Variants in AXDND1 observed in about 807,000 individuals in gnomAD.
AXDND1 encodes axonemal dynein light chain domain containing 1, also known as axonemal dynein light chain domain-containing protein 1.
Under a neutral mutation model 137.5 loss-of-function variants are expected in AXDND1, and 110 were observed. That is an observed-to-expected ratio of 0.80 (90% CI 0.69 to 0.94). The LOEUF is 0.94. Among genes scored for constraint, AXDND1 ranks in the 40% least tolerant of loss-of-function variants. The pLI, the probability that AXDND1 is intolerant of heterozygous loss-of-function variation, is 0.00. For synonymous variants in AXDND1, 414 were observed against 399.7 expected (o/e 1.04, Z -0.43); for missense variants, 1,191 against 1,169.8 (o/e 1.02, Z -0.26).
intron 1 of AXDND1, 66 bp from the exon 2 acceptor site, chr1:179,366,338 G>T: frequency 1.9e-6 from 1 of 539,310 alleles, no homozygotes; most frequent in Non-Finnish European, 3.3e-6. Context: ...ACTGCGATCT[G>T]AACCTAAGTA....
intron 4 of AXDND1, among the ~76,000 whole-genome samples, chr1:179,372,247 G>C (rs1203941837): frequency 1.3e-5 from 2 of 152,142 alleles, no homozygotes; most frequent in Non-Finnish European, 2.9e-5. Context: ...TTTCAGCAGA[G>C]TTCAGTGCAG....
intron 4 of AXDND1, 49 bp downstream of exon 4, chr1:179,370,127 C>G (rs16854009): frequency 0.11 from 155,845 of 1,446,820 alleles, 11,029 homozygotes; most frequent in East Asian, 0.36. Flanking sequence ...GAGTTGTTTT[C>G]TCATTTTGAA....
intron 21 of AXDND1, among the ~76,000 whole-genome samples, chr1:179,516,691 C>T (rs1193525842): frequency 1.3e-5 from 2 of 152,148 alleles, no homozygotes; most frequent in African/African-American, 2.4e-5. Flanking sequence ...GATGTGGCTT[C>T]CTATGAGCTG....
intron 17 of AXDND1, among the ~76,000 whole-genome samples, chr1:179,469,495 A>G (rs1384843381): frequency 2.0e-5 from 3 of 152,204 alleles, no homozygotes; most frequent in Admixed American, 1.3e-4. Context: ...TTTTGTGGAC[A>G]AACATTTGTT....
chr1:179,381,333 C>G (rs1478328376), intron 6 of AXDND1, among the ~76,000 whole-genome samples: 2 of 145,786 alleles, frequency 1.4e-5, no homozygotes, highest in African/African-American at 2.5e-5. Context: ...TGAGCCACAG[C>G]ACATGGCTGA....
At chr1:179,402,190 G>T (rs1652200618) in intron 11 of AXDND1, among the ~76,000 whole-genome samples, 1 of 150,134 alleles carries the variant, frequency 6.7e-6, no homozygotes. Flanking sequence ...AAATCACCCT[G>T]TCTTGGGTAT....
intron 12 of AXDND1, among the ~76,000 whole-genome samples, chr1:179,428,506 C>T (rs776653092): frequency 2.6e-5 from 4 of 152,264 alleles, no homozygotes; most frequent in Admixed American, 6.5e-5. Context: ...ATTAGTGGTT[C>T]TCAAAGTATG....
intron 25 of AXDND1, chr1:179,544,363 T>C (rs1265329210): frequency 2.0e-5 from 3 of 152,136 alleles, no homozygotes; most frequent in African/African-American, 4.8e-5. Flanking sequence ...AAAAAAACAT[T>C]AGTTTTTCAA....
intron 16 of AXDND1, among the ~76,000 whole-genome samples, chr1:179,445,713 A>T (rs1054939980): frequency 5.3e-5 from 8 of 152,198 alleles, no homozygotes; most frequent in African/African-American, 1.9e-4. Context: ...GCCTAATAAT[A>T]GTGTATGTAT....
At position 179,370,038 on chromosome 1, in the gene AXDND1, T is replaced by C; in HGVS notation, c.334T>C (p.Tyr112His). Residue 112 changes from tyrosine to histidine, a missense_variant, in exon 4 of 26, where the codon TAC becomes CAC. Transcript: ENST00000367618. ...CCCTGTTCGAAGGAATAAATTCAAA[T>C]ACCTGATTGACCATCCCGTCTCCCT... ...HHPVRRNKFK[Y>H]LIDHPVSLTG... The C allele has an allele frequency of 6.2e-7, 1 of 1,613,988 alleles. No homozygotes were observed. The highest frequency in any genetic ancestry group is 8.5e-7 in the Non-Finnish European group (1 of 1,179,922).
chr1:179,427,346 G>A (rs573399515), intron 12 of AXDND1, among the ~76,000 whole-genome samples: 6 of 149,112 alleles, frequency 4.0e-5, no homozygotes, highest in African/African-American at 1.2e-4. Context: ...CTTCTATATT[G>A]TTTGACTTTG....
intron 18 of AXDND1, among the ~76,000 whole-genome samples, chr1:179,486,491 T>C (rs1572041311): frequency 6.7e-6 from 1 of 149,474 alleles, no homozygotes; most frequent in East Asian, 1.9e-4. Flanking sequence ...CCCTGAAAAA[T>C]ACTACAAAAT....
chr1:179,531,507 A>G (rs1671035807), intron 23 of AXDND1, among the ~76,000 whole-genome samples: 1 of 152,162 alleles, frequency 6.6e-6, no homozygotes, highest in South Asian at 2.1e-4. Flanking sequence ...AGTCAGCCCC[A>G]TCAGATTTAT....
At chr1:179,466,282 C>CTTTTTTTTTTTTTTTTT (rs1491121382) in intron 16 of AXDND1, among the ~76,000 whole-genome samples, 2 of 95,652 alleles carry the variant, frequency 2.1e-5, no homozygotes, top group African/African-American at 4.4e-5. Context: ...TCTTCTTCTT[C>CTTTTTTTTTTTTTTTTT]TTCTTTTTTT....
intron 21 of AXDND1, among the ~76,000 whole-genome samples, chr1:179,513,488 G>A (rs899059615): frequency 6.6e-6 from 1 of 152,108 alleles, no homozygotes; most frequent in East Asian, 1.9e-4. Context: ...AAAGATTTTA[G>A]TGTCTGTGTT....
chr1:179,405,040 A>G (rs1172275054), intron 11 of AXDND1, among the ~76,000 whole-genome samples: 1 of 152,058 alleles, frequency 6.6e-6, no homozygotes, highest in African/African-American at 2.4e-5. Context: ...TCCCACATGC[A>G]TTAGGTATTT....
intron 23 of AXDND1, among the ~76,000 whole-genome samples, chr1:179,529,862 T>TG (rs1212377875): frequency 1.3e-5 from 2 of 152,060 alleles, no homozygotes; most frequent in Admixed American, 1.3e-4. Flanking sequence ...TAAATATATT[T>TG]GGGGGGTAAT....
In AXDND1 at chr1:179,393,916, C is replaced by G; in HGVS notation, c.877C>G (p.Gln293Glu). The G allele has an allele frequency of 6.2e-7, 1 of 1,606,306 alleles. No homozygotes were observed. Among genetic ancestry groups the G allele is most frequent in the East Asian group, 2.3e-5 (1 of 44,434 alleles). Residue 293 changes from glutamine (Q) to glutamate (E), a missense_variant, in exon 10 of 26, where the codon CAA (glutamine) becomes GAA (glutamate). By Grantham distance (29) the Gln-to-Glu change is conservative (BLOSUM62 2). Transcript: ENST00000367618. ...TTTGTCATGCAGAGAGAGGTATGTG[C>G]AAATGCTTGACCAGATTGCTCGGCA... ...LLSKVRERYVQMLDQIARQMI... is the reference protein window; with the variant it reads ...LLSKVRERYVEMLDQIARQMI...
In AXDND1 at chr1:179,368,926, C is replaced by G. The variant is rs777757306; in HGVS notation, c.224C>G (p.Pro75Arg). 2.5e-6 allele frequency: 4 copies of G among 1,613,952 alleles called. No homozygotes were observed. The South Asian group carries it at 4.4e-5, about 18-fold the overall frequency. Reference protein sequence around the residue: ...LSLTYAANAGPCPENLLPPKK... With the variant: ...LSLTYAANAGRCPENLLPPKK... ...CTGACCTATGCGGCCAATGCTGGTC[C>G]TTGTCCTGAAAACTTACTACCTCCT... is the stretch of plus-strand genomic sequence containing the variant. Residue 75 changes from proline to arginine, a missense_variant, in exon 3 of 26, where the codon CCT (proline) becomes CGT (arginine). By Grantham distance (103) the Pro-to-Arg change is moderately radical. Coordinates refer to ENST00000367618, the MANE Select transcript of AXDND1 (RefSeq NM_144696.6).
Sources: gnomAD v4.1 joint callset for allele counts (sites outside exome capture counted in the v4.1 genomes callset) on GRCh38, gnomAD v4.1.1 for gene constraint, MANE v1.5 for transcripts, NCBI Gene and HGNC (gene_info 2026-07-23, HGNC 2026-07-21) for gene names.